CCDC88C: variants seen among roughly 807,000 people sequenced by gnomAD.
CCDC88C encodes the protein protein Daple.
A neutral mutation model predicts 198.8 loss-of-function variants in CCDC88C; 131 were observed. That is an observed-to-expected ratio of 0.66 (90% CI 0.57 to 0.76). The LOEUF is 0.76. CCDC88C is among the 30% of genes least tolerant of loss of function. CCDC88C has a pLI of 0.00. For missense variants in CCDC88C, 2,553 were observed against 2,631.6 expected (o/e 0.97, Z 0.65); for synonymous variants, 1,166 against 1,114.7 (o/e 1.05, Z -0.92).
intron 3 of CCDC88C, among the ~76,000 whole-genome samples, chr14:91,395,219 C>T (rs1567119988): frequency 6.6e-6 from 1 of 152,122 alleles, no homozygotes; most frequent in Non-Finnish European, 1.5e-5. Flanking sequence ...CTCCTGCCTC[C>T]CAAGACCCCT....
At chr14:91,345,279 G>C (rs1321273441) in intron 4 of CCDC88C, among the ~76,000 whole-genome samples, 1 of 128,222 alleles carries the variant, frequency 7.8e-6, no homozygotes, top group Non-Finnish European at 1.6e-5. Context: ...TTCCACCTCT[G>C]TCTCCTGGGT....
intron 3 of CCDC88C, among the ~76,000 whole-genome samples, chr14:91,362,396 A>G (rs1894350874): frequency 6.6e-6 from 1 of 152,190 alleles, no homozygotes; most frequent in Non-Finnish European, 1.5e-5. Flanking sequence ...GAACGTGTTT[A>G]TAAGCGAGAT....
At chr14:91,375,695 C>T (rs1263253652) in intron 3 of CCDC88C, among the ~76,000 whole-genome samples, 1 of 152,190 alleles carries the variant, frequency 6.6e-6, no homozygotes, top group South Asian at 2.1e-4. Context: ...GCAGTCTGTG[C>T]CAGCCCTGCC....
rs867003627 is a variant in CCDC88C, at chr14:91,369,276, G to A, written c.271-9565C>T. ...GGCTGGAGTGCAATGGCGTGATCTC[G>A]GCTCACTGCAACCTCCACATCCTGG... On this transcript the variant is annotated intron_variant, in intron 3 of 29. Coordinates refer to ENST00000389857, the MANE Select transcript of CCDC88C (RefSeq NM_001080414.4). Among the ~76,000 whole-genome samples the A allele has an allele frequency of 3.9e-5, 6 of 152,242 alleles. No homozygotes were observed. In the South Asian group the frequency reaches 8.3e-4, roughly 21 times the overall value.
intron 3 of CCDC88C, among the ~76,000 whole-genome samples, chr14:91,394,923 G>T (rs1318434464): frequency 3.3e-5 from 5 of 152,148 alleles, no homozygotes; most frequent in Non-Finnish European, 5.9e-5. Flanking sequence ...GACGGGCCTT[G>T]GGTGGGGGGC....
intron 3 of CCDC88C, among the ~76,000 whole-genome samples, chr14:91,370,814 A>G (rs932262807): frequency 7.9e-5 from 12 of 152,214 alleles, no homozygotes; most frequent in Admixed American, 7.9e-4. Context: ...TTTTAAAACC[A>G]AAAGAGCCAT....
rs771761723 is a variant in CCDC88C, at chr14:91,273,086, G to T, written c.5626C>A (p.Pro1876Thr). The change falls in exon 30 of 30, where the codon CCC (proline) becomes ACC (threonine). Residue 1876 changes from proline to threonine, a missense_variant. Coordinates refer to ENST00000389857, the MANE Select transcript of CCDC88C (RefSeq NM_001080414.4). This position sits in a 1 kb window ranked among gnomAD's most constrained non-coding sequence, Gnocchi z 5.6. The stretch of plus-strand genomic sequence containing the variant: ...CTCGTGTCCAGCGGCCGGCTGCGGG[G>T]ACCTGGGCCCTGACAGGAGCTGCCA... Reference protein sequence around the residue: ...KAGSSCQGPGPRSRPLDTRRF... With the variant: ...KAGSSCQGPGTRSRPLDTRRF... 2 of 1,562,680 alleles carry T rather than the reference G, an allele frequency of 1.3e-6. No individual in the cohort carries two copies.
At chr14:91,298,767 T>C (rs1405009067) in intron 21 of CCDC88C, among the ~76,000 whole-genome samples, 1 of 152,180 alleles carries the variant, frequency 6.6e-6, no homozygotes, top group African/African-American at 2.4e-5. Flanking sequence ...GTGCTTTATT[T>C]GCCTGGGGAG....
intron 3 of CCDC88C, among the ~76,000 whole-genome samples, chr14:91,398,101 A>G (rs2139995243): frequency 6.6e-6 from 1 of 152,248 alleles, no homozygotes; most frequent in South Asian, 2.1e-4. Flanking sequence ...GTAAAGGTTA[A>G]GCTCCCTCCC....
At chr14:91,394,916 G>C (rs577097589) in intron 3 of CCDC88C, among the ~76,000 whole-genome samples, 1 of 152,114 alleles carries the variant, frequency 6.6e-6, no homozygotes, top group African/African-American at 2.4e-5. Flanking sequence ...GCCAGGGGAC[G>C]GGCCTTGGGT....
chr14:91,340,411 C>T (rs1454056170), intron 6 of CCDC88C, among the ~76,000 whole-genome samples: 1 of 152,178 alleles, frequency 6.6e-6, no homozygotes, highest in Non-Finnish European at 1.5e-5. Context: ...AAAATCTATG[C>T]AAACAGCAAA....
rs994824337 is a variant in CCDC88C at position 91,352,652 on chromosome 14, C to T, written c.340+6990G>A. 3.3e-5 allele frequency among the ~76,000 whole-genome samples: 5 copies of T among 152,166 alleles called. No individual in the cohort carries two copies. Among genetic ancestry groups the T allele is most frequent in the Non-Finnish European group, 5.9e-5 (4 of 68,030 alleles). ...TGAAAATTATATATATATACACACA[C>T]ACATATACACTTATACACAGGATTA... On this transcript the variant is annotated intron_variant, in intron 4 of 29. Transcript: ENST00000389857. The surrounding 1 kb of genome is among the most constrained non-coding windows in gnomAD (Gnocchi z 4.2).
At position 91,416,793 on chromosome 14, in the gene CCDC88C, T is replaced by G. The variant is rs1345042530; in HGVS notation, c.106A>C (p.Thr36Pro). The stretch of plus-strand genomic sequence containing the variant: ...CCGTCCACTAAATCCATGTACATAG[T>G]CAGGTTGTCCTGGCTGCCGCTTCCA... Reference protein sequence around the residue: ...PFGSGSQDNLTMYMDLVDGIF... With the variant: ...PFGSGSQDNLPMYMDLVDGIF... Residue 36 changes from threonine to proline, a missense_variant, in exon 2 of 30, where the codon ACT becomes CCT. Around this residue, in one of 2 missense-constraint regions of CCDC88C, gnomAD observed 1,260 missense variants for 1,412.0 expected, o/e 0.89. Coordinates refer to ENST00000389857, the MANE Select transcript of CCDC88C (RefSeq NM_001080414.4). The G allele has an allele frequency of 1.9e-6, 3 of 1,613,682 alleles. No individual in the cohort carries two copies. The highest frequency in any genetic ancestry group is 2.5e-6 in the Non-Finnish European group (3 of 1,179,782).
At chr14:91,311,646 G>A (rs1891829283) in intron 15 of CCDC88C, among the ~76,000 whole-genome samples, 1 of 152,196 alleles carries the variant, frequency 6.6e-6, no homozygotes, top group African/African-American at 2.4e-5. Flanking sequence ...CTTCACGAGT[G>A]AGATAAACGG....
At chr14:91,274,328 A>G (rs945355434) in intron 29 of CCDC88C, among the ~76,000 whole-genome samples, 3 of 152,162 alleles carry the variant, frequency 2.0e-5, no homozygotes, top group Admixed American at 6.5e-5. Flanking sequence ...TGTCCCTGCT[A>G]AGCTGCCGCC....
chr14:91,297,266 C>T (rs1312748740), intron 22 of CCDC88C, 39 bp downstream of exon 22: 2 of 1,594,666 alleles, frequency 1.3e-6, no homozygotes, highest in Non-Finnish European at 1.7e-6. Flanking sequence ...TTGGGGGACT[C>T]ATCCCTGTCT....
intron 13 of CCDC88C, among the ~76,000 whole-genome samples, chr14:91,316,184 T>A (rs774645964): frequency 1.3e-5 from 2 of 152,140 alleles, no homozygotes; most frequent in Non-Finnish European, 2.9e-5. Context: ...TTCACCTCCA[T>A]GGAAATGTGT....
At chr14:91,337,149 G>C (rs1301638855) in intron 10 of CCDC88C, among the ~76,000 whole-genome samples, 1 of 152,204 alleles carries the variant, frequency 6.6e-6, no homozygotes, top group African/African-American at 2.4e-5. Context: ...GTCAGGGTGA[G>C]TGGTCAAAGC....
chr14:91,372,550 G>A (rs1265854928), intron 3 of CCDC88C, among the ~76,000 whole-genome samples: 1 of 122,772 alleles, frequency 8.1e-6, no homozygotes. Flanking sequence ...GGCGGGGGGG[G>A]GAGGCGTGTG....
Sources: allele counts gnomAD v4.1 joint callset (sites outside exome capture counted in the v4.1 genomes callset), GRCh38; gene constraint gnomAD v4.1.1; regional missense constraint gnomAD v4.1.1; non-coding constraint Gnocchi (gnomAD v3.1); transcripts MANE v1.5; gene names NCBI Gene and HGNC (gene_info 2026-07-23, HGNC 2026-07-21).